The following GPC5 variants were observed in gnomAD, a reference collection of about 807,000 sequenced individuals.
The protein encoded by GPC5 is glypican 5, also known as glypican-5.
In GPC5, 47 loss-of-function variants were observed where a neutral mutation model predicts 53.9. The ratio of observed to expected loss-of-function variants is 0.87; its 90% CI spans 0.69 to 1.11. GPC5 has a LOEUF of 1.11. Among genes scored for constraint, GPC5 ranks in the 50% most tolerant of loss-of-function variants. The pLI, the probability that GPC5 is intolerant of heterozygous loss-of-function variation, is 0.00. For missense variants in GPC5, 748 were observed against 713.1 expected (o/e 1.05, Z -0.56); for synonymous variants, 286 against 263.3 (o/e 1.09, Z -0.84).
intron 2 of GPC5, among the ~76,000 whole-genome samples, chr13:91,637,738 G>C (rs2034319384): frequency 6.6e-6 from 1 of 152,202 alleles, no homozygotes; most frequent in South Asian, 2.1e-4. Context: ...CCATAAAAGA[G>C]AATTCAAGGG....
At chr13:92,535,252 C>T (rs1881686634) in intron 7 of GPC5, among the ~76,000 whole-genome samples, 1 of 152,058 alleles carries the variant, frequency 6.6e-6, no homozygotes, top group African/African-American at 2.4e-5. Context: ...TCATTCTACT[C>T]TTTGTTAATT....
At chr13:92,743,214 T>C (rs540949464) in intron 7 of GPC5, among the ~76,000 whole-genome samples, 1 of 152,174 alleles carries the variant, frequency 6.6e-6, no homozygotes, top group South Asian at 2.1e-4. Context: ...TTCCTATCCA[T>C]GAGCATGAAA....
intron 2 of GPC5, among the ~76,000 whole-genome samples, chr13:91,682,878 C>T (rs1213467685): frequency 4.6e-5 from 7 of 152,046 alleles, no homozygotes; most frequent in African/African-American, 7.3e-5. Context: ...CGTGGAAGAC[C>T]TTGGACTACA....
At chr13:91,563,253 A>T (rs141471152) in intron 2 of GPC5, among the ~76,000 whole-genome samples, 2 of 152,324 alleles carry the variant, frequency 1.3e-5, no homozygotes, top group African/African-American at 4.8e-5. Context: ...TCCTGGTTAT[A>T]CAGATTCACA....
chr13:92,844,818 G>A (rs759163732), intron 7 of GPC5, among the ~76,000 whole-genome samples: 1 of 152,102 alleles, frequency 6.6e-6, no homozygotes, highest in African/African-American at 2.4e-5. Flanking sequence ...AATGTTTACT[G>A]ATTTCAAATA....
intron 7 of GPC5, among the ~76,000 whole-genome samples, chr13:92,273,497 T>C (rs1207648388): frequency 6.6e-6 from 1 of 151,934 alleles, no homozygotes; most frequent in Non-Finnish European, 1.5e-5. Context: ...TAATAATAAG[T>C]GCAGAATAAA....
chr13:92,070,332 T>C (rs2041200806), intron 6 of GPC5, among the ~76,000 whole-genome samples: 1 of 152,166 alleles, frequency 6.6e-6, no homozygotes, highest in Admixed American at 6.5e-5. Context: ...ACTACCTGAA[T>C]ACAACACACT....
At chr13:92,698,359 T>C (rs971109653) in intron 7 of GPC5, among the ~76,000 whole-genome samples, 3 of 151,964 alleles carry the variant, frequency 2.0e-5, no homozygotes, top group Non-Finnish European at 2.9e-5. Context: ...ATGTTCCCCT[T>C]CCTGTGTCCA....
intron 3 of GPC5, among the ~76,000 whole-genome samples, chr13:91,713,632 C>A (rs1314432220): frequency 1.3e-5 from 2 of 152,134 alleles, no homozygotes; most frequent in South Asian, 2.1e-4. Context: ...AATCTCTGAG[C>A]ACCAGCTTTC....
intron 7 of GPC5, among the ~76,000 whole-genome samples, chr13:92,845,544 T>C (rs1270474417): frequency 2.0e-5 from 3 of 152,196 alleles, no homozygotes; most frequent in Non-Finnish European, 2.9e-5. Context: ...TGATTGATTA[T>C]CTGGGGGCCC....
At chr13:92,622,589 G>T (rs1223082004) in intron 7 of GPC5, among the ~76,000 whole-genome samples, 1 of 151,358 alleles carries the variant, frequency 6.6e-6, no homozygotes, top group Non-Finnish European at 1.5e-5. Context: ...TTTGAGACAG[G>T]TTCTCACTCT....
At chr13:91,399,287 C>A in intron 1 of GPC5, 78 bp downstream of exon 1, 1 of 1,506,076 alleles carries the variant, frequency 6.6e-7, no homozygotes, top group South Asian at 1.3e-5. Context: ...CTTGGTGGCA[C>A]TCGTGGGAAG....
chr13:92,455,365 TA>T (rs1878220921), intron 7 of GPC5, among the ~76,000 whole-genome samples: 1 of 152,218 alleles, frequency 6.6e-6, no homozygotes, highest in Admixed American at 6.5e-5. Flanking sequence ...AAATACATTG[TA>T]TATATTTTAT....
intron 5 of GPC5, among the ~76,000 whole-genome samples, chr13:91,823,212 G>A (rs2038523494): frequency 6.6e-6 from 1 of 152,034 alleles, no homozygotes. Context: ...CTATTGCTTA[G>A]TTTTGGCAGT....
At chr13:91,678,209 C>T (rs1180153928) in intron 2 of GPC5, among the ~76,000 whole-genome samples, 5 of 152,152 alleles carry the variant, frequency 3.3e-5, no homozygotes, top group African/African-American at 1.2e-4. Context: ...CTGTAGGAAT[C>T]GCTCAACTAT....
chr13:91,751,717 C>G (rs992053016), intron 4 of GPC5, among the ~76,000 whole-genome samples: 3 of 152,232 alleles, frequency 2.0e-5, no homozygotes, highest in African/African-American at 7.2e-5. Flanking sequence ...CTCATTACCA[C>G]AAAACCTTAT....
intron 7 of GPC5, among the ~76,000 whole-genome samples, chr13:92,217,516 A>G (rs2139083213): frequency 6.6e-6 from 1 of 152,248 alleles, no homozygotes; most frequent in African/African-American, 2.4e-5. Context: ...ATTTTCTGCT[A>G]GTAACTTTCT....
intron 7 of GPC5, chr13:92,706,062 G>C (rs1887939804): frequency 6.6e-6 from 1 of 152,022 alleles, no homozygotes; most frequent in Admixed American, 6.6e-5. Flanking sequence ...ACTCCAGCCT[G>C]TGTCACAAAA....
At chr13:92,503,869 T>C (rs1594256766) in intron 7 of GPC5, among the ~76,000 whole-genome samples, 1 of 151,926 alleles carries the variant, frequency 6.6e-6, no homozygotes, top group East Asian at 1.9e-4. Context: ...GTAGTTAGTC[T>C]TTTTCTGAAA....
Sources: allele counts gnomAD v4.1 joint callset (sites outside exome capture counted in the v4.1 genomes callset), GRCh38; gene constraint gnomAD v4.1.1; transcripts MANE v1.5; gene names NCBI Gene and HGNC (gene_info 2026-07-23, HGNC 2026-07-21).